The following CTNNA3 variants were observed in gnomAD, a reference collection of about 807,000 sequenced individuals.
CTNNA3 encodes catenin alpha 3, also known as catenin alpha-3.
CTNNA3 carries 76 observed loss-of-function variants against 95.7 expected under a neutral mutation model. That is an observed-to-expected ratio of 0.79 (90% confidence interval 0.66 to 0.96). The LOEUF is 0.96. CTNNA3 is among the 40% of genes least tolerant of loss of function. CTNNA3 has a pLI of 0.00. For missense variants in CTNNA3, 1,191 were observed against 1,089.8 expected (o/e 1.09, Z -1.31); for synonymous variants, 431 against 374.4 (o/e 1.15, Z -1.74).
chr10:67,074,034 CTTTTTTT>C (rs35411851), intron 7 of CTNNA3, among the ~76,000 whole-genome samples: 1 of 109,436 alleles, frequency 9.1e-6, no homozygotes, highest in Non-Finnish European at 1.8e-5. Flanking sequence ...CATTTTAACT[CTTTTTTT>C]TTTTTTTTTT....
At position 67,064,964 on chromosome 10, in the gene CTNNA3, C is replaced by A. The variant is rs144036114; in HGVS notation, c.1047+115353G>T. ...AAGAAAATGCATGTAACTGCCCAGA[C>A]CCTCCTTGGAGTTATAAAAGAGCCA... On this transcript the variant is annotated intron_variant, in intron 7 of 17. Coordinates refer to ENST00000433211, the MANE Select transcript of CTNNA3 (RefSeq NM_013266.4). 7.0e-3 allele frequency among the ~76,000 whole-genome samples: 1,059 copies of A among 152,240 alleles called. 16 individuals are homozygous for A. The highest frequency in any genetic ancestry group is 0.024 in the African/African-American group (1,015 of 41,524).
chr10:67,557,492 T>C (rs1046400100), intron 3 of CTNNA3, among the ~76,000 whole-genome samples: 1 of 152,106 alleles, frequency 6.6e-6, no homozygotes, highest in Non-Finnish European at 1.5e-5. Flanking sequence ...TGAGAGAACA[T>C]ATTGGTTGTG....
intron 10 of CTNNA3, among the ~76,000 whole-genome samples, chr10:66,543,864 T>G (rs1300050978): frequency 6.9e-6 from 1 of 145,680 alleles, no homozygotes; most frequent in African/African-American, 2.5e-5. Context: ...ATTGCTAAAT[T>G]TTGCTTTTTC....
intron 5 of CTNNA3, among the ~76,000 whole-genome samples, chr10:67,221,360 A>G (rs1350779439): frequency 6.6e-6 from 1 of 152,216 alleles, no homozygotes; most frequent in Non-Finnish European, 1.5e-5. Context: ...TTCACTTCAT[A>G]TACAACATTT....
chr10:66,356,122 G>GTTTTTTTTTT (rs59366031), intron 12 of CTNNA3, among the ~76,000 whole-genome samples: 30 of 117,142 alleles, frequency 2.6e-4, no homozygotes, highest in Non-Finnish European at 4.1e-4. Flanking sequence ...TGCTTGTTTT[G>GTTTTTTTTTT]TTTTTTTTTT....
intron 7 of CTNNA3, among the ~76,000 whole-genome samples, chr10:67,151,271 T>C (rs1861080262): frequency 6.6e-6 from 1 of 152,140 alleles, no homozygotes; most frequent in Admixed American, 6.5e-5. Context: ...TTAATTTTCA[T>C]CTGTATGTAG....
At chr10:66,708,973 A>T (rs1848207710) in intron 9 of CTNNA3, among the ~76,000 whole-genome samples, 1 of 151,966 alleles carries the variant, frequency 6.6e-6, no homozygotes, top group Admixed American at 6.6e-5. Context: ...GTGAGCTTTT[A>T]TTCTATACTT....
intron 11 of CTNNA3, among the ~76,000 whole-genome samples, chr10:66,474,592 TG>T (rs1839256351): frequency 6.6e-6 from 1 of 152,062 alleles, no homozygotes; most frequent in Non-Finnish European, 1.5e-5. Context: ...ATCCCATAGC[TG>T]TATTTCTAAT....
intron 6 of CTNNA3, among the ~76,000 whole-genome samples, chr10:67,203,446 G>A (rs2132217415): frequency 6.6e-6 from 1 of 152,254 alleles, no homozygotes; most frequent in Non-Finnish European, 1.5e-5. Context: ...TCTCAGGTAT[G>A]TCTTTATTAA....
intron 1 of CTNNA3, among the ~76,000 whole-genome samples, chr10:67,749,498 A>C (rs762810457): frequency 6.6e-6 from 1 of 152,228 alleles, no homozygotes; most frequent in Non-Finnish European, 1.5e-5. Flanking sequence ...AGAACCCAAG[A>C]TTAAGAAAGT....
At chr10:66,785,126 A>G (rs1840690784) in intron 7 of CTNNA3, among the ~76,000 whole-genome samples, 1 of 152,172 alleles carries the variant, frequency 6.6e-6, no homozygotes, top group African/African-American at 2.4e-5. Flanking sequence ...TAGATCAGTA[A>G]AATAGAGAAA....
chr10:66,260,418 C>T (rs182279126), intron 13 of CTNNA3, among the ~76,000 whole-genome samples: 3 of 152,104 alleles, frequency 2.0e-5, no homozygotes, highest in African/African-American at 7.2e-5. Context: ...TCTGTACCCA[C>T]AAAAGATGAT....
At chr10:66,835,474 T>C (rs1842856132) in intron 7 of CTNNA3, among the ~76,000 whole-genome samples, 1 of 152,228 alleles carries the variant, frequency 6.6e-6, no homozygotes. Context: ...TTAGGCCAGC[T>C]AAAAATATAG....
At chr10:65,995,057 T>C (rs2133346399) in intron 15 of CTNNA3, among the ~76,000 whole-genome samples, 1 of 150,970 alleles carries the variant, frequency 6.6e-6, no homozygotes, top group South Asian at 2.1e-4. Flanking sequence ...CTTAATTGTC[T>C]TTTCTGATTT....
chr10:66,089,333 C>A (rs1564631896), intron 14 of CTNNA3, among the ~76,000 whole-genome samples: 2 of 151,526 alleles, frequency 1.3e-5, no homozygotes, highest in South Asian at 4.2e-4. Flanking sequence ...CCAAACCTCT[C>A]CTCTCTTTCT....
intron 5 of CTNNA3, among the ~76,000 whole-genome samples, chr10:67,245,895 A>G (rs1211037327): frequency 1.3e-5 from 2 of 151,892 alleles, no homozygotes; most frequent in African/African-American, 4.8e-5. Context: ...ATCTAGTTAC[A>G]ACAGGGAAGA....
At chr10:66,722,205 C>T (rs1361578040) in intron 9 of CTNNA3, among the ~76,000 whole-genome samples, 16 of 151,858 alleles carry the variant, frequency 1.1e-4, no homozygotes, top group Admixed American at 9.8e-4. Flanking sequence ...GGTGAAACCC[C>T]GTCTCTACTA....
chr10:66,522,089 A>G (rs996091024), intron 10 of CTNNA3, among the ~76,000 whole-genome samples: 6 of 152,134 alleles, frequency 3.9e-5, no homozygotes, highest in Admixed American at 2.6e-4. Flanking sequence ...TAGAGCATGA[A>G]TAATATAATA....
intron 5 of CTNNA3, among the ~76,000 whole-genome samples, chr10:67,487,099 C>A (rs944587942): frequency 2.0e-5 from 3 of 152,262 alleles, no homozygotes; most frequent in African/African-American, 7.2e-5. Context: ...TTCAGAGGAA[C>A]CAAGATGCTA....
Sources: gnomAD v4.1 joint callset for allele counts (sites outside exome capture counted in the v4.1 genomes callset) on GRCh38, gnomAD v4.1.1 for gene constraint, MANE v1.5 for transcripts, NCBI Gene and HGNC (gene_info 2026-07-23, HGNC 2026-07-21) for gene names.